HOTAIR: variants seen among roughly 807,000 people sequenced by gnomAD.
The protein encoded by HOTAIR is HOX transcript antisense RNA (non-protein coding).
rs569191377 is a variant in HOTAIR at position 53,972,871 on chromosome 12, C to T, written n.59+2027G>A. ...TAGAAAAAAATACAATTACCCCTTCCCAGCCACCACCCTCGCCCATCCCAC... is the reference window on the plus strand; with the variant it reads ...TAGAAAAAAATACAATTACCCCTTCTCAGCCACCACCCTCGCCCATCCCAC... On this transcript the variant is annotated intron_variant and non_coding_transcript_variant, in intron 1 of 6. Transcript: ENST00000424518. Among the ~76,000 whole-genome samples the T allele has an allele frequency of 5.2e-4, 79 of 152,226 alleles. 1 individual carries two copies. Among genetic ancestry groups the T allele is most frequent in the African/African-American group, 1.9e-3 (77 of 41,532 alleles).
chr12:53,971,290 A>G (rs1037315827), intron 1 of HOTAIR, among the ~76,000 whole-genome samples: 1 of 152,202 alleles, frequency 6.6e-6, no homozygotes, highest in African/African-American at 2.4e-5. Context: ...AGCGCCCAGC[A>G]TTGAGTGCGT....
chr12:53,970,388 G>A (rs565980362), intron 1 of HOTAIR, among the ~76,000 whole-genome samples: 1 of 152,314 alleles, frequency 6.6e-6, no homozygotes, highest in East Asian at 1.9e-4. Context: ...GAAGCGTCCA[G>A]GTAGCCTGGA....
intron 1 of HOTAIR, among the ~76,000 whole-genome samples, chr12:53,974,560 G>A (rs1168072564): frequency 6.6e-6 from 1 of 152,166 alleles, no homozygotes; most frequent in African/African-American, 2.4e-5. Context: ...AGGCGGCGCA[G>A]GACTCCACTG....
intron 1 of HOTAIR, among the ~76,000 whole-genome samples, chr12:53,972,520 C>A (rs552386776): frequency 6.6e-6 from 1 of 152,336 alleles, no homozygotes; most frequent in Non-Finnish European, 1.5e-5. Context: ...TGGCTTGCAG[C>A]TGGGCTGCCT....
chr12:53,974,477 A>G (rs1199610082), intron 1 of HOTAIR, among the ~76,000 whole-genome samples: 1 of 152,066 alleles, frequency 6.6e-6, no homozygotes, highest in African/African-American at 2.4e-5. Flanking sequence ...AAAATGTTCA[A>G]ACTATGTGTT....
chr12:53,973,603 A>G lies in HOTAIR; in HGVS notation n.59+1295T>C, dbSNP rs539448532. ...ATCCTCATGAAAAACGAAGGCTCCT[A>G]CGGCGGCCACCACCACCCCAGCGCC... is the stretch of plus-strand genomic sequence containing the variant. On this transcript the variant is annotated intron_variant and non_coding_transcript_variant, in intron 1 of 6. Coordinates refer to ENST00000424518, the Ensembl canonical transcript of HOTAIR. This position sits in a 1 kb window ranked among gnomAD's most constrained non-coding sequence, Gnocchi z 4.3. 4 of 1,612,324 alleles carry G rather than the reference A, an allele frequency of 2.5e-6. No homozygotes were observed. Among genetic ancestry groups the G allele is most frequent in the African/African-American group, 1.3e-5 (1 of 74,458 alleles).
chr12:53,973,433 G>T lies in HOTAIR; in HGVS notation n.59+1465C>A. ...CTCGTCAGATCTCCTATCCCTACTC[G>T]GCCCAAGTGCCCCCGGTCCGGGAGG... On this transcript the variant is annotated intron_variant and non_coding_transcript_variant, in intron 1 of 6. Transcript: ENST00000424518. The surrounding 1 kb of genome is among the most constrained non-coding windows in gnomAD (Gnocchi z 4.3). 1.2e-6 allele frequency: 2 copies of T among 1,613,790 alleles called. No homozygotes were observed. Among genetic ancestry groups the T allele is most frequent in the Non-Finnish European group, 8.5e-7 (1 of 1,179,960 alleles).
chr12:53,969,370 G>A (rs971159883), intron 1 of HOTAIR, among the ~76,000 whole-genome samples: 9 of 152,210 alleles, frequency 5.9e-5, no homozygotes, highest in Admixed American at 5.9e-4. Context: ...GGGGGCAAAG[G>A]AGCTGTCCTT....
chr12:53,973,137 G>C lies in HOTAIR; in HGVS notation n.59+1761C>G, dbSNP rs1476732415. 1.7e-5 allele frequency: 14 copies of C among 830,476 alleles called. No individual in the cohort carries two copies. The highest frequency in any genetic ancestry group is 6.8e-5 in the African/African-American group (4 of 58,426). 51.4% of individuals were successfully genotyped at this position (830,476 alleles called of 1,614,324 possible). On this transcript the variant is annotated intron_variant and non_coding_transcript_variant, in intron 1 of 6. Coordinates refer to ENST00000424518, the Ensembl canonical transcript of HOTAIR. This position sits in a 1 kb window ranked among gnomAD's most constrained non-coding sequence, Gnocchi z 4.3. ...CTACTTTGGATCACGTGCTCAGAGA[G>C]AGAGAGACTAAGACGGATAACGCGT...
chr12:53,972,323 G>A (rs1384882920), intron 1 of HOTAIR, among the ~76,000 whole-genome samples: 1 of 152,206 alleles, frequency 6.6e-6, no homozygotes, highest in Non-Finnish European at 1.5e-5. Context: ...TGACAATAAA[G>A]GCAGGCATGA....
intron 1 of HOTAIR, among the ~76,000 whole-genome samples, chr12:53,971,621 G>A (rs1939149463): frequency 1.3e-5 from 2 of 152,254 alleles, no homozygotes; most frequent in African/African-American, 2.4e-5. Flanking sequence ...GTTTTCCCCT[G>A]AGTGTGCATT....
exon 7 of HOTAIR, chr12:53,963,064 C>T (rs929980330): frequency 5.3e-5 from 8 of 152,200 alleles, no homozygotes; most frequent in African/African-American, 1.9e-4. Context: ...GGTGCTGAAC[C>T]TTCAAGAGCT....
chr12:53,969,428 C>T (rs532886917), intron 1 of HOTAIR, among the ~76,000 whole-genome samples: 3 of 152,272 alleles, frequency 2.0e-5, no homozygotes, highest in South Asian at 2.1e-4. Context: ...CTCTGAGCAG[C>T]GTCCACCAGC....
exon 1 of HOTAIR, chr12:53,974,935 G>T (rs1247268628): frequency 2.0e-6 from 1 of 511,416 alleles, no homozygotes; most frequent in Non-Finnish European, 3.4e-6. Flanking sequence ...CCTGTCAGCC[G>T]CGGCTCTCGC....
chr12:53,966,645 A>G (rs920777), intron 3 of HOTAIR: 142,575 of 152,358 alleles, frequency 0.94, 67,164 homozygotes, highest in Non-Finnish European at 0.99. Context: ...CAGTCGGTGG[A>G]ACTGGAAGCA....
rs116514930 is a variant in HOTAIR, at chr12:53,973,040, C to G, written n.59+1858G>C. 3.5e-3 allele frequency: 1,661 copies of G among 478,348 alleles called. 22 individuals carry two copies. Among genetic ancestry groups the G allele is most frequent in the African/African-American group, 0.03 (1,504 of 50,308 alleles). The allele number at this position is 478,348 out of a possible 1,614,324, so 29.6% of individuals were successfully genotyped here. A position where few individuals can be genotyped will look rare whatever the true frequency, so the allele number is the denominator to read the frequency against. ...GGTGTTTGCAAACCAATCGCCTGAA[C>G]GTCCCCGATCTTACCTAAGAGAGAA... On this transcript the variant is annotated intron_variant and non_coding_transcript_variant, in intron 1 of 6. Coordinates refer to ENST00000424518, the Ensembl canonical transcript of HOTAIR. The surrounding 1 kb of genome is among the most constrained non-coding windows in gnomAD (Gnocchi z 4.3).
At chr12:53,969,250 G>C (rs2136373023) in intron 1 of HOTAIR, among the ~76,000 whole-genome samples, 1 of 152,360 alleles carries the variant, frequency 6.6e-6, no homozygotes, top group Admixed American at 6.5e-5. Context: ...CATTTGGTGA[G>C]GGGGCCAGTG....
In HOTAIR at chr12:53,973,346, C is replaced by T; in HGVS notation, n.59+1552G>A. 1 of 1,612,612 alleles carries T rather than the reference C, an allele frequency of 6.2e-7. No individual in the cohort carries two copies. The highest frequency in any genetic ancestry group is 8.5e-7 in the Non-Finnish European group (1 of 1,179,486). On this transcript the variant is annotated intron_variant and non_coding_transcript_variant, in intron 1 of 6. Coordinates refer to ENST00000424518, the Ensembl canonical transcript of HOTAIR. The surrounding 1 kb of genome is among the most constrained non-coding windows in gnomAD (Gnocchi z 4.3). ...GCTGCGCCTCCAACCTCTATCTGCCCAGTTGCACTTACTACATGCCCGAGT... is the reference window on the plus strand; with the variant it reads ...GCTGCGCCTCCAACCTCTATCTGCCTAGTTGCACTTACTACATGCCCGAGT...
chr12:53,973,563 T>A lies in HOTAIR; in HGVS notation n.59+1335A>T. On this transcript the variant is annotated intron_variant and non_coding_transcript_variant, in intron 1 of 6. Transcript: ENST00000424518. This position sits in a 1 kb window ranked among gnomAD's most constrained non-coding sequence, Gnocchi z 4.3. ...TATGCACCGGGAGTGCCTGCCTCCTTCCACCGTCACCGAGATCCTCATGAA... is the reference window on the plus strand; with the variant it reads ...TATGCACCGGGAGTGCCTGCCTCCTACCACCGTCACCGAGATCCTCATGAA... The A allele has an allele frequency of 6.2e-7, 1 of 1,612,710 alleles. No individual in the cohort carries two copies. Among genetic ancestry groups the A allele is most frequent in the Non-Finnish European group, 8.5e-7 (1 of 1,179,854 alleles).
Sources: allele counts gnomAD v4.1 joint callset (sites outside exome capture counted in the v4.1 genomes callset), GRCh38; gene constraint gnomAD v4.1.1; non-coding constraint Gnocchi (gnomAD v3.1); transcripts MANE v1.5; gene names NCBI Gene and HGNC (gene_info 2026-07-23, HGNC 2026-07-21).